The following SNX30 variants were observed in gnomAD, a reference collection of about 807,000 sequenced individuals.
The protein encoded by SNX30 is sorting nexin-30.
A neutral mutation model predicts 46.4 loss-of-function variants in SNX30; 24 were observed. The observed-to-expected ratio is 0.52, with a 90% CI of 0.37 to 0.73. The LOEUF (loss-of-function observed/expected upper bound fraction) is 0.73, where lower values mean the gene tolerates loss of function less well. Among genes scored for constraint, SNX30 ranks in the 30% least tolerant of loss-of-function variants. The pLI is 0.00. For missense variants in SNX30, 533 were observed against 555.7 expected (o/e 0.96, Z 0.41); for synonymous variants, 189 against 211.5 (o/e 0.89, Z 0.92).
chr9:112,864,484 T>C (rs1244137736), intron 8 of SNX30, 85 bp downstream of exon 8: 10 of 1,535,908 alleles, frequency 6.5e-6, no homozygotes, highest in Non-Finnish European at 9.0e-6. Context: ...CTGGGAATCC[T>C]GCTAGTCTCA....
At position 112,830,733 on chromosome 9, in the gene SNX30, C is replaced by G; in HGVS notation, c.468C>G (p.Pro156=). 1 of 1,609,136 alleles carries G rather than the reference C, an allele frequency of 6.2e-7. No homozygotes were observed. Among genetic ancestry groups the G allele is most frequent in the South Asian group, 1.1e-5 (1 of 90,034 alleles). The change falls in exon 4 of 9, where the codon CCC becomes CCG. Residue 156 remains proline, a synonymous_variant. Transcript: ENST00000374232. The part of the protein sequence containing the change: ...SQPTHLIPPL[P]EKFVVKGVVD... ...TCTTCATGTCTTCATAGCCTCTTCCCGAGAAGTTTGTGGTAAAAGGTGTTG... is the reference window on the plus strand; with the variant it reads ...TCTTCATGTCTTCATAGCCTCTTCCGGAGAAGTTTGTGGTAAAAGGTGTTG...
intron 7 of SNX30, among the ~76,000 whole-genome samples, chr9:112,860,041 G>C (rs920755058): frequency 6.6e-6 from 1 of 152,140 alleles, no homozygotes; most frequent in African/African-American, 2.4e-5. Context: ...CACCTCCCTG[G>C]ATCAAGCAAT....
intron 7 of SNX30, among the ~76,000 whole-genome samples, chr9:112,853,950 G>C (rs1841076120): frequency 1.3e-5 from 2 of 152,242 alleles, no homozygotes; most frequent in Non-Finnish European, 2.9e-5. Context: ...GCTAGGGAAG[G>C]AAGGAGAACC....
chr9:112,883,665 TG>T (rs1322024120), downstream of SNX30, among the ~76,000 whole-genome samples: 1 of 151,484 alleles, frequency 6.6e-6, no homozygotes, highest in Non-Finnish European at 1.5e-5. Flanking sequence ...TGGGATAGCT[TG>T]GCTTCTCTTT....
intron 6 of SNX30, among the ~76,000 whole-genome samples, chr9:112,848,356 TCAC>T (rs1362395754): frequency 6.6e-6 from 1 of 152,062 alleles, no homozygotes; most frequent in Non-Finnish European, 1.5e-5. Flanking sequence ...TCTCAGAACA[TCAC>T]CAACAGCATG....
chr9:112,753,562 T>C (rs1013500185), intron 1 of SNX30, among the ~76,000 whole-genome samples: 3 of 152,208 alleles, frequency 2.0e-5, no homozygotes, highest in Admixed American at 2.0e-4. Context: ...TGTGTATTTT[T>C]AGTAGAGACG....
chr9:112,814,947 G>A (rs1470608896), intron 2 of SNX30, among the ~76,000 whole-genome samples: 2 of 152,228 alleles, frequency 1.3e-5, no homozygotes, highest in Non-Finnish European at 2.9e-5. Flanking sequence ...CTATGTATGT[G>A]TTAAAATGAC....
At chr9:112,852,018 G>T (rs1005778665) in intron 7 of SNX30, among the ~76,000 whole-genome samples, 5 of 152,156 alleles carry the variant, frequency 3.3e-5, no homozygotes, top group African/African-American at 1.2e-4. Context: ...ATCATCCTAT[G>T]TCATCCCTTT....
chr9:112,795,176 CTGTG>C (rs566829976), intron 1 of SNX30, among the ~76,000 whole-genome samples: 2 of 151,526 alleles, frequency 1.3e-5, no homozygotes, highest in Non-Finnish European at 2.9e-5. Context: ...GTGTGTGTGT[CTGTG>C]TGTGTGTGTA....
chr9:112,795,620 C>T (rs543938517), intron 1 of SNX30, among the ~76,000 whole-genome samples: 1 of 152,192 alleles, frequency 6.6e-6, no homozygotes, highest in Admixed American at 6.5e-5. Flanking sequence ...ACTGTCTGGC[C>T]AAGACATTTC....
intron 1 of SNX30, among the ~76,000 whole-genome samples, chr9:112,758,439 C>T (rs1223284269): frequency 6.6e-6 from 1 of 152,190 alleles, no homozygotes; most frequent in African/African-American, 2.4e-5. Context: ...AAGAGATTCT[C>T]CTGCCTCAGC....
intron 2 of SNX30, among the ~76,000 whole-genome samples, chr9:112,813,603 A>AT (rs1271178080): frequency 6.6e-6 from 1 of 151,528 alleles, no homozygotes; most frequent in African/African-American, 2.4e-5. Context: ...AGAGTACAGT[A>AT]GCTGAGACTA....
chr9:112,841,903 C>T (rs1292551841), intron 6 of SNX30, among the ~76,000 whole-genome samples: 1 of 152,186 alleles, frequency 6.6e-6, no homozygotes, highest in Non-Finnish European at 1.5e-5. Flanking sequence ...AGTATGGAAA[C>T]TAAGCGTGGA....
chr9:112,844,512 A>G (rs1840907736), intron 6 of SNX30, among the ~76,000 whole-genome samples: 1 of 152,178 alleles, frequency 6.6e-6, no homozygotes, highest in South Asian at 2.1e-4. Context: ...CGCCTGTGGC[A>G]TGGTAATATT....
At chr9:112,780,537 C>A (rs1588113811) in intron 1 of SNX30, among the ~76,000 whole-genome samples, 1 of 152,274 alleles carries the variant, frequency 6.6e-6, no homozygotes, top group East Asian at 1.9e-4. Flanking sequence ...ATTTGCACTT[C>A]TGGAAGCTGT....
intron 2 of SNX30, among the ~76,000 whole-genome samples, chr9:112,809,403 G>C (rs563705510): frequency 1.3e-5 from 2 of 152,120 alleles, no homozygotes; most frequent in Admixed American, 6.5e-5. Context: ...TTTCAAGAGA[G>C]GGATGGCCCC....
chr9:112,788,550 A>G (rs563653027), intron 1 of SNX30, among the ~76,000 whole-genome samples: 1 of 152,076 alleles, frequency 6.6e-6, no homozygotes, highest in Non-Finnish European at 1.5e-5. Flanking sequence ...GTGGTGTAGC[A>G]CAGCCCTACC....
At chr9:112,791,265 CCTGTT>C (rs1457611945) in intron 1 of SNX30, among the ~76,000 whole-genome samples, 3 of 152,060 alleles carry the variant, frequency 2.0e-5, no homozygotes, top group African/African-American at 7.2e-5. Flanking sequence ...TCAGGATTTG[CCTGTT>C]CTGACATTTC....
chr9:112,838,913 T>C (rs1040724026), intron 6 of SNX30, among the ~76,000 whole-genome samples: 4 of 152,192 alleles, frequency 2.6e-5, no homozygotes, highest in African/African-American at 7.2e-5. Flanking sequence ...TAAGAAATTC[T>C]TACTGGTTTC....
Sources: allele counts gnomAD v4.1 joint callset (sites outside exome capture counted in the v4.1 genomes callset), GRCh38; gene constraint gnomAD v4.1.1; transcripts MANE v1.5; gene names NCBI Gene and HGNC (gene_info 2026-07-23, HGNC 2026-07-21).